The following ARHGAP31 variants were observed in gnomAD, a reference collection of about 807,000 sequenced individuals.
ARHGAP31 encodes the protein Rho GTPase activating protein 31.
Under a neutral mutation model 113.9 loss-of-function variants are expected in ARHGAP31, and 34 were observed. That is an observed-to-expected ratio of 0.30 (90% CI 0.23 to 0.40). The LOEUF (loss-of-function observed/expected upper bound fraction) is 0.40, where lower values mean the gene tolerates loss of function less well. ARHGAP31 is among the 10% of genes least tolerant of loss of function. ARHGAP31 has a pLI of 1.00. For missense variants in ARHGAP31, 1,548 were observed against 1,767.1 expected (o/e 0.88, Z 2.22); for synonymous variants, 650 against 684.8 (o/e 0.95, Z 0.79).
chr3:119,304,800 C>T (rs944352768), intron 1 of ARHGAP31, among the ~76,000 whole-genome samples: 10 of 151,858 alleles, frequency 6.6e-5, no homozygotes, highest in African/African-American at 1.9e-4. Context: ...GAGGCTGAGG[C>T]GAAAGAATTG....
intron 1 of ARHGAP31, among the ~76,000 whole-genome samples, chr3:119,340,067 A>C (rs1415431018): frequency 6.6e-6 from 1 of 152,240 alleles, no homozygotes; most frequent in East Asian, 1.9e-4. Context: ...AAACTTTCAA[A>C]CCTCAGCAGT....
intron 1 of ARHGAP31, among the ~76,000 whole-genome samples, chr3:119,343,791 A>G (rs1194473519): frequency 1.3e-5 from 2 of 152,200 alleles, no homozygotes; most frequent in Non-Finnish European, 2.9e-5. Flanking sequence ...TTATCTCTGT[A>G]GGACGAGGAG....
At chr3:119,392,202 C>T (rs9809960) in intron 7 of ARHGAP31, among the ~76,000 whole-genome samples, 33,364 of 152,164 alleles carry the variant, frequency 0.22, 3,844 homozygotes, top group Non-Finnish European at 0.23. Context: ...AATCCCAGCA[C>T]TTTGGGAGGC....
intron 1 of ARHGAP31, among the ~76,000 whole-genome samples, chr3:119,327,391 A>G (rs944713511): frequency 5.3e-5 from 8 of 151,744 alleles, no homozygotes; most frequent in Non-Finnish European, 2.9e-5. Context: ...TAAAAAATAC[A>G]AAAATTAGCC....
intron 7 of ARHGAP31, 88 bp from the exon 8 acceptor site, chr3:119,393,379 G>A: frequency 1.3e-6 from 2 of 1,503,348 alleles, no homozygotes; most frequent in Admixed American, 1.7e-5. Flanking sequence ...CATAACTGAG[G>A]ACATAACTGG....
chr3:119,298,751 C>T, intron 1 of ARHGAP31: 1 of 163,388 alleles, frequency 6.1e-6, no homozygotes, highest in Non-Finnish European at 1.4e-5. Flanking sequence ...GCGCCCAATG[C>T]CTGCCCAAGG....
intron 1 of ARHGAP31, among the ~76,000 whole-genome samples, chr3:119,299,667 G>A (rs1251585839): frequency 6.6e-6 from 1 of 152,192 alleles, no homozygotes; most frequent in African/African-American, 2.4e-5. Context: ...GGAAAAAAAA[G>A]ATGGGCTGCA....
At chr3:119,359,509 A>T (rs532373734) in intron 1 of ARHGAP31, among the ~76,000 whole-genome samples, 2 of 152,122 alleles carry the variant, frequency 1.3e-5, no homozygotes, top group East Asian at 3.9e-4. Context: ...ACTTTTCAAC[A>T]TTTATTTAAT....
chr3:119,401,482 T>A (rs1216545746), intron 9 of ARHGAP31, among the ~76,000 whole-genome samples: 1 of 152,210 alleles, frequency 6.6e-6, no homozygotes, highest in Non-Finnish European at 1.5e-5. Flanking sequence ...TCTTTATTTT[T>A]TCATGGTCTA....
chr3:119,304,446 G>C (rs1211429941), intron 1 of ARHGAP31, among the ~76,000 whole-genome samples: 1 of 152,128 alleles, frequency 6.6e-6, no homozygotes, highest in Non-Finnish European at 1.5e-5. Flanking sequence ...AGGATGGGGT[G>C]GTTGGTCTCT....
At chr3:119,351,971 G>C (rs2080114572) in intron 1 of ARHGAP31, among the ~76,000 whole-genome samples, 1 of 152,214 alleles carries the variant, frequency 6.6e-6, no homozygotes, top group African/African-American at 2.4e-5. Flanking sequence ...GCCTAGGAAT[G>C]TGCTGGGGAT....
intron 3 of ARHGAP31, among the ~76,000 whole-genome samples, chr3:119,371,781 C>T (rs554159102): frequency 3.7e-4 from 57 of 152,136 alleles, no homozygotes; most frequent in African/African-American, 1.3e-3. Context: ...TCAAGTAGTC[C>T]CCAGTGTCTG....
rs3732415 is a variant in ARHGAP31 at position 119,416,531 on chromosome 3, C to T, written c.*267C>T. 1.9e-3 allele frequency: 920 copies of T among 490,538 alleles called. 20 individuals carry two copies. The East Asian group carries it at 0.029, about 15-fold the overall frequency. 30.4% of individuals were successfully genotyped at this position (490,538 alleles called of 1,614,324 possible). On this transcript the variant is annotated 3_prime_UTR_variant, in exon 12 of 12. Coordinates refer to ENST00000264245, the MANE Select transcript of ARHGAP31 (RefSeq NM_020754.4). ...GGGGAGAGGATGGAATGCTTGCCTC[C>T]AATGAACTTTGGAGCTTGTATGTGA...
At chr3:119,299,462 G>A (rs1292241695) in intron 1 of ARHGAP31, among the ~76,000 whole-genome samples, 1 of 152,058 alleles carries the variant, frequency 6.6e-6, no homozygotes, top group Admixed American at 6.6e-5. Flanking sequence ...CATGACAGAG[G>A]GAAGGTTCAT....
At chr3:119,308,609 T>C (rs2079651450) in intron 1 of ARHGAP31, among the ~76,000 whole-genome samples, 1 of 152,228 alleles carries the variant, frequency 6.6e-6, no homozygotes, top group Non-Finnish European at 1.5e-5. Context: ...CCTGCTTGTA[T>C]AATCCAGGAC....
intron 4 of ARHGAP31, among the ~76,000 whole-genome samples, chr3:119,381,370 G>A (rs1465395468): frequency 1.3e-5 from 2 of 152,258 alleles, no homozygotes; most frequent in Non-Finnish European, 2.9e-5. Context: ...TTGGCTGATT[G>A]TTCTATTTGC....
chr3:119,336,254 A>G (rs2079945781), intron 1 of ARHGAP31, among the ~76,000 whole-genome samples: 1 of 152,230 alleles, frequency 6.6e-6, no homozygotes, highest in Non-Finnish European at 1.5e-5. Flanking sequence ...GTTTTATTTC[A>G]TATGAAATGG....
At chr3:119,347,818 A>C (rs2080073330) in intron 1 of ARHGAP31, among the ~76,000 whole-genome samples, 1 of 152,246 alleles carries the variant, frequency 6.6e-6, no homozygotes, top group African/African-American at 2.4e-5. Flanking sequence ...AGTAGCAAAC[A>C]ACTGAAAATT....
At chr3:119,353,117 G>C (rs901038729) in intron 1 of ARHGAP31, among the ~76,000 whole-genome samples, 1 of 152,128 alleles carries the variant, frequency 6.6e-6, no homozygotes, top group Non-Finnish European at 1.5e-5. Flanking sequence ...CTCTGCACCA[G>C]TGTCAGAGTT....
Sources: allele counts gnomAD v4.1 joint callset (sites outside exome capture counted in the v4.1 genomes callset), GRCh38; gene constraint gnomAD v4.1.1; transcripts MANE v1.5; gene names NCBI Gene and HGNC (gene_info 2026-07-23, HGNC 2026-07-21).